The following CDH13 variants were observed in gnomAD, a reference collection of about 807,000 sequenced individuals.
The protein encoded by CDH13 is cadherin-13.
Under a neutral mutation model 63.8 loss-of-function variants are expected in CDH13, and 24 were observed. That is an observed-to-expected ratio of 0.38 (90% CI 0.27 to 0.53). CDH13 has a LOEUF of 0.53. Among genes scored for constraint, CDH13 ranks in the 20% least tolerant of loss-of-function variants. CDH13 has a pLI of 0.85. For synonymous variants in CDH13, 503 were observed against 355.3 expected (o/e 1.42, Z -4.67); for missense variants, 1,049 against 903.1 (o/e 1.16, Z -2.07).
intron 3 of CDH13, among the ~76,000 whole-genome samples, chr16:83,033,622 C>T (rs963630166): frequency 3.3e-5 from 5 of 152,174 alleles, no homozygotes; most frequent in Non-Finnish European, 5.9e-5. Flanking sequence ...TTGTTCCCTT[C>T]CACAGGCACA....
intron 10 of CDH13, chr16:83,735,405 C>T (rs529946395): frequency 5.5e-4 from 83 of 152,244 alleles, no homozygotes; most frequent in African/African-American, 2.0e-3. Context: ...CATGGATTTA[C>T]TTATGATTCC....
intron 3 of CDH13, among the ~76,000 whole-genome samples, chr16:83,074,761 A>G (rs1022650236): frequency 6.6e-6 from 1 of 152,168 alleles, no homozygotes; most frequent in Non-Finnish European, 1.5e-5. Context: ...TACCAGCTCC[A>G]TTTGCAGAAA....
chr16:83,413,723 C>G (rs898297096), intron 6 of CDH13, among the ~76,000 whole-genome samples: 1 of 152,162 alleles, frequency 6.6e-6, no homozygotes, highest in African/African-American at 2.4e-5. Flanking sequence ...CACGGTGGCT[C>G]ATGCCTGTAA....
At chr16:83,284,380 T>C (rs1044876338) in intron 5 of CDH13, among the ~76,000 whole-genome samples, 1 of 152,194 alleles carries the variant, frequency 6.6e-6, no homozygotes, top group Non-Finnish European at 1.5e-5. Flanking sequence ...TGAGATACGA[T>C]ACTACCACCT....
intron 1 of CDH13, among the ~76,000 whole-genome samples, chr16:82,805,430 G>A (rs766453287): frequency 5.3e-5 from 8 of 152,136 alleles, no homozygotes; most frequent in Non-Finnish European, 8.8e-5. Flanking sequence ...GCTGGTTCAA[G>A]CTTTCAGTGA....
intron 1 of CDH13, among the ~76,000 whole-genome samples, chr16:82,651,861 G>A (rs150137753): frequency 5.3e-5 from 8 of 152,332 alleles, no homozygotes; most frequent in Admixed American, 4.6e-4. Context: ...TGGGATTTAG[G>A]ACGGGCTATT....
chr16:83,380,615 A>C (rs1393691869), intron 6 of CDH13, among the ~76,000 whole-genome samples: 1 of 152,146 alleles, frequency 6.6e-6, no homozygotes, highest in Non-Finnish European at 1.5e-5. Flanking sequence ...ACAAAATTCT[A>C]CCATTCTCAG....
chr16:82,699,833 A>G (rs988846164), intron 1 of CDH13, among the ~76,000 whole-genome samples: 3 of 152,260 alleles, frequency 2.0e-5, no homozygotes, highest in Non-Finnish European at 4.4e-5. Flanking sequence ...TGTCCCATCT[A>G]GTTTTTACAA....
At chr16:83,599,885 G>T (rs1907617542) in intron 7 of CDH13, among the ~76,000 whole-genome samples, 1 of 152,156 alleles carries the variant, frequency 6.6e-6, no homozygotes, top group African/African-American at 2.4e-5. Flanking sequence ...CCAGGGTAGT[G>T]GTTCACATGT....
chr16:83,654,233 C>T (rs1014396784), intron 8 of CDH13, among the ~76,000 whole-genome samples: 8 of 150,480 alleles, frequency 5.3e-5, no homozygotes, highest in Non-Finnish European at 1.0e-4. Context: ...GCAGTTTTTG[C>T]AATTAAAAAT....
intron 8 of CDH13, among the ~76,000 whole-genome samples, chr16:83,610,441 A>G (rs990242066): frequency 5.3e-5 from 8 of 152,216 alleles, no homozygotes; most frequent in African/African-American, 1.9e-4. Flanking sequence ...ATCAAACACA[A>G]AACCCAAATC....
chr16:83,124,526 A>ATT (rs796542234), intron 3 of CDH13, among the ~76,000 whole-genome samples: 3,695 of 133,762 alleles, frequency 0.028, 110 homozygotes, highest in African/African-American at 0.082. Flanking sequence ...TGAATTGTCC[A>ATT]TTTTTTTTTT....
intron 3 of CDH13, among the ~76,000 whole-genome samples, chr16:83,066,527 G>A (rs754922759): frequency 3.5e-5 from 5 of 144,276 alleles, no homozygotes; most frequent in Admixed American, 6.7e-5. Flanking sequence ...TTACAAAAGG[G>A]ATTATAAAGC....
At position 83,596,883 on chromosome 16, in the gene CDH13, A is replaced by G. The variant is rs574291664; in HGVS notation, c.961-5571A>G. Among the ~76,000 whole-genome samples, 10 of 152,296 alleles carry G rather than the reference A, an allele frequency of 6.6e-5. 1 individual carries two copies. The East Asian group carries it at 1.7e-3, about 26-fold the overall frequency. ...AATGTTCATTACAGAAAAATCCCCA[A>G]ATCATAACAGGCCAATAAACTTTTT... On this transcript the variant is annotated intron_variant, in intron 7 of 13. Coordinates refer to ENST00000567109, the MANE Select transcript of CDH13 (RefSeq NM_001257.5).
intron 7 of CDH13, among the ~76,000 whole-genome samples, chr16:83,570,154 C>T (rs961202273): frequency 1.3e-5 from 2 of 152,150 alleles, no homozygotes; most frequent in Admixed American, 6.5e-5. Flanking sequence ...GGCCAGAAAG[C>T]AAAGCAAAGG....
intron 3 of CDH13, among the ~76,000 whole-genome samples, chr16:83,110,451 A>G (rs1294280670): frequency 2.0e-5 from 3 of 152,182 alleles, no homozygotes; most frequent in Non-Finnish European, 4.4e-5. Context: ...CACTGGGGAA[A>G]GTTCCCGAAG....
At chr16:83,782,159 G>T (rs1456618209) in intron 12 of CDH13, among the ~76,000 whole-genome samples, 1 of 151,866 alleles carries the variant, frequency 6.6e-6, no homozygotes, top group Non-Finnish European at 1.5e-5. Flanking sequence ...AAATGATTTT[G>T]TTGTCTCACA....
In CDH13 at chr16:83,344,826, T is replaced by C. The variant is rs767960599; in HGVS notation, c.637-36T>C. 4.4e-6 allele frequency: 7 copies of C among 1,608,856 alleles called. No individual in the cohort carries two copies. In the South Asian group the frequency reaches 7.7e-5, roughly 18 times the overall value. ...TATTTGAATTTTCATAATGAATTAA[T>C]ATCTTCTTTCTCCCCCAATCTCTTT... On this transcript the variant is annotated intron_variant, in intron 5 of 13. Transcript: ENST00000567109.
At chr16:82,898,503 A>T (rs9936039) in intron 2 of CDH13, among the ~76,000 whole-genome samples, 9 of 152,094 alleles carry the variant, frequency 5.9e-5, no homozygotes, top group South Asian at 2.1e-4. Context: ...ACAGCTTGGG[A>T]GACAGATTGA....
Sources: gnomAD v4.1 joint callset for allele counts (sites outside exome capture counted in the v4.1 genomes callset) on GRCh38, gnomAD v4.1.1 for gene constraint, MANE v1.5 for transcripts, NCBI Gene and HGNC (gene_info 2026-07-23, HGNC 2026-07-21) for gene names.